The following ADAM17 variants were observed in gnomAD, a reference collection of about 807,000 sequenced individuals.
The protein encoded by ADAM17 is ADAM metallopeptidase domain 17.
Under a neutral mutation model 96.7 loss-of-function variants are expected in ADAM17, and 39 were observed. The ratio of observed to expected loss-of-function variants is 0.40; its 90% CI spans 0.31 to 0.53. The LOEUF (loss-of-function observed/expected upper bound fraction) is 0.53, where lower values mean the gene tolerates loss of function less well. ADAM17 is among the 20% of genes least tolerant of loss of function. The probability of loss-of-function intolerance (pLI) is 0.44; values close to 1 mark genes in which losing one functional copy is unlikely to be tolerated. For synonymous variants in ADAM17, 344 were observed against 359.2 expected (o/e 0.96, Z 0.48); for missense variants, 777 against 1,013.2 (o/e 0.77, Z 3.17).
intron 3 of ADAM17, 142 bp downstream of exon 3, chr2:9,536,556 T>C (rs762745753): frequency 1.0e-4 from 112 of 1,100,856 alleles, no homozygotes; most frequent in Non-Finnish European, 1.4e-4. Flanking sequence ...TAAACTTATA[T>C]ACCTCAAAGA....
At chr2:9,522,497 GT>G in intron 7 of ADAM17, 1 of 549,312 alleles carries the variant, frequency 1.8e-6, no homozygotes, top group Non-Finnish European at 3.4e-6. Flanking sequence ...AATTCTCTTA[GT>G]TTTATACAAG....
Position 9,521,189 on chromosome 2 carries a change from A to G in ADAM17, c.957+14T>C. 1 of 1,546,766 alleles carries G rather than the reference A, an allele frequency of 6.5e-7. No homozygotes were observed. The highest frequency in any genetic ancestry group is 8.9e-7 in the Non-Finnish European group (1 of 1,119,464). On this transcript the variant is annotated intron_variant, in intron 8 of 18. Transcript: ENST00000310823. ...AAGTGGTGTTAGCACCATATCCAGG[A>G]TTCTAAGACCTACCTCTAGCAACAT...
rs1558490166 is a variant in ADAM17, at chr2:9,490,538, A to G, written c.2134-20T>C. The G allele has an allele frequency of 6.3e-7, 1 of 1,597,980 alleles. No homozygotes were observed. The highest frequency in any genetic ancestry group is 2.2e-5 in the East Asian group (1 of 44,628). ...GACGTTCTGCAAAGACATGGGTTCA[A>G]TTGATTGATAGGAATAAAAGATGAA... On this transcript the variant is annotated intron_variant, in intron 18 of 18. Transcript: ENST00000310823.
At chr2:9,520,658 A>G (rs1281835299) in intron 8 of ADAM17, among the ~76,000 whole-genome samples, 2 of 152,144 alleles carry the variant, frequency 1.3e-5, no homozygotes, top group African/African-American at 2.4e-5. Flanking sequence ...CCTCAAAGAT[A>G]TTAAGGTTAA....
In ADAM17 at chr2:9,521,119, T is replaced by C. The variant is rs551629115; in HGVS notation, c.957+84A>G. ...TTCTGGGTGTCCATCTTTTCTAACATGCTCCTTCATTAAAACACATACAAT... is the reference window on the plus strand; with the variant it reads ...TTCTGGGTGTCCATCTTTTCTAACACGCTCCTTCATTAAAACACATACAAT... On this transcript the variant is annotated intron_variant, in intron 8 of 18. Coordinates refer to ENST00000310823, the MANE Select transcript of ADAM17 (RefSeq NM_003183.6). 1.4e-4 allele frequency: 155 copies of C among 1,125,624 alleles called. No homozygotes were observed. In the African/African-American group the frequency reaches 2.2e-3, roughly 16 times the overall value. 69.7% of individuals were successfully genotyped at this position (1,125,624 alleles called of 1,614,324 possible).
At chr2:9,528,533 A>G (rs1664617317) in intron 4 of ADAM17, among the ~76,000 whole-genome samples, 2 of 152,202 alleles carry the variant, frequency 1.3e-5, no homozygotes, top group Admixed American at 6.5e-5. Context: ...CAAAATCTCC[A>G]CTTACAATGT....
intron 14 of ADAM17, 110 bp from the exon 15 acceptor site, chr2:9,494,877 AT>A: frequency 1.5e-6 from 2 of 1,371,756 alleles, no homozygotes; most frequent in Non-Finnish European, 2.0e-6. Context: ...AATCACATTT[AT>A]TTTTTATTTA....
chr2:9,511,815 A>G (rs961141727), intron 10 of ADAM17, among the ~76,000 whole-genome samples: 6 of 151,966 alleles, frequency 3.9e-5, no homozygotes, highest in Non-Finnish European at 4.4e-5. Context: ...TACTAAAAAT[A>G]TAAAACCTAG....
chr2:9,497,324 T>C (rs1005401734), intron 13 of ADAM17, 76 bp from the exon 14 acceptor site: 6 of 1,571,740 alleles, frequency 3.8e-6, no homozygotes, highest in East Asian at 4.5e-5. Flanking sequence ...AATACGCTGT[T>C]TCTCATACAA....
At chr2:9,537,680 CGA>C (rs1420899853) in intron 2 of ADAM17, among the ~76,000 whole-genome samples, 1 of 151,180 alleles carries the variant, frequency 6.6e-6, no homozygotes, top group Non-Finnish European at 1.5e-5. Context: ...TGCTGTGAGC[CGA>C]GATCGCCAGC....
At chr2:9,527,644 T>C (rs1299470039) in intron 5 of ADAM17, 142 bp downstream of exon 5, 11 of 514,378 alleles carry the variant, frequency 2.1e-5, no homozygotes, top group Non-Finnish European at 3.4e-5. Flanking sequence ...GATGAAAATT[T>C]CTGGAACAAA....
In ADAM17 at chr2:9,502,349, C is replaced by T. The variant is rs34367192; in HGVS notation, c.1545-73G>A. ...CATATCAAATCAAACGCTACAGTTA[C>T]GTTACAGTGACCTGAAGATCACCGG... On this transcript the variant is annotated intron_variant, in intron 12 of 18. Coordinates refer to ENST00000310823, the MANE Select transcript of ADAM17 (RefSeq NM_003183.6). 0.47 allele frequency: 610,878 copies of T among 1,310,460 alleles called. 151,024 individuals are homozygous for T. Among genetic ancestry groups the T allele is most frequent in the Middle Eastern group, 0.6 (2,905 of 4,834 alleles). The allele number at this position is 1,310,460 out of a possible 1,614,324, so 81.2% of individuals were successfully genotyped here. A position where few individuals can be genotyped will look rare whatever the true frequency, so the allele number is the denominator to read the frequency against.
At chr2:9,504,730 C>T (rs751415508) in intron 12 of ADAM17, among the ~76,000 whole-genome samples, 14 of 150,140 alleles carry the variant, frequency 9.3e-5, no homozygotes, top group Non-Finnish European at 1.9e-4. Context: ...CCACTGCACT[C>T]CAGCCTGGCG....
At chr2:9,528,763 C>T (rs796137736) in intron 4 of ADAM17, among the ~76,000 whole-genome samples, 1 of 152,310 alleles carries the variant, frequency 6.6e-6, no homozygotes, top group African/African-American at 2.4e-5. Flanking sequence ...CAATGAGACA[C>T]CCCTGTATAC....
chr2:9,514,375 A>G (rs1341938191), intron 10 of ADAM17, among the ~76,000 whole-genome samples: 6 of 74,936 alleles, frequency 8.0e-5, no homozygotes, highest in African/African-American at 2.2e-4. Flanking sequence ...GGGGAGGGGG[A>G]AGGGGGAAGG....
intron 10 of ADAM17, 34 bp from the exon 11 acceptor site, chr2:9,510,165 A>T: frequency 6.2e-7 from 1 of 1,611,914 alleles, no homozygotes; most frequent in South Asian, 1.1e-5. Context: ...ATTATTTCTC[A>T]ATATCCAGCC....
At chr2:9,510,869 A>G (rs1663696055) in intron 10 of ADAM17, among the ~76,000 whole-genome samples, 2 of 152,200 alleles carry the variant, frequency 1.3e-5, no homozygotes, top group African/African-American at 4.8e-5. Context: ...TCTTCTACCA[A>G]TTATATGAAT....
intron 1 of ADAM17, among the ~76,000 whole-genome samples, chr2:9,547,560 A>G (rs925242548): frequency 1.8e-4 from 27 of 152,324 alleles, no homozygotes; most frequent in Admixed American, 5.9e-4. Flanking sequence ...AGGGCATAAC[A>G]TATGCTGAAT....
chr2:9,547,119 T>C (rs1665427470), intron 1 of ADAM17, among the ~76,000 whole-genome samples: 3 of 152,244 alleles, frequency 2.0e-5, no homozygotes, highest in Admixed American at 6.5e-5. Context: ...ATCTTTTTTG[T>C]CATCTGCATT....
Sources: allele counts gnomAD v4.1 joint callset (sites outside exome capture counted in the v4.1 genomes callset), GRCh38; gene constraint gnomAD v4.1.1; transcripts MANE v1.5; gene names NCBI Gene and HGNC (gene_info 2026-07-23, HGNC 2026-07-21).